MPZL1: variants seen among roughly 807,000 people sequenced by gnomAD.
MPZL1 encodes the protein myelin protein zero-like protein 1.
A neutral mutation model predicts 29.3 loss-of-function variants in MPZL1; 16 were observed. The observed-to-expected ratio is 0.55, with a 90% confidence interval of 0.37 to 0.83. MPZL1 has a LOEUF of 0.83. Among genes scored for constraint, MPZL1 ranks in the 40% least tolerant of loss-of-function variants. The pLI, the probability that MPZL1 is intolerant of heterozygous loss-of-function variation, is 0.00. For missense variants in MPZL1, 279 were observed against 332.9 expected, an observed-to-expected ratio of 0.84 and a Z score of 1.26; for synonymous variants, 143 against 132.0, an observed-to-expected ratio of 1.08 and a Z score of -0.57.
intron 2 of MPZL1, among the ~76,000 whole-genome samples, chr1:167,769,572 G>C (rs918217952): frequency 6.6e-6 from 1 of 152,096 alleles, no homozygotes; most frequent in African/African-American, 2.4e-5. Flanking sequence ...CTTCTTCATG[G>C]GAGTGAAGAT....
intron 2 of MPZL1, among the ~76,000 whole-genome samples, chr1:167,767,895 T>C (rs1336887003): frequency 6.7e-6 from 1 of 149,936 alleles, no homozygotes; most frequent in African/African-American, 2.5e-5. Context: ...TTTTGTTTTG[T>C]GTTTTCTGTC....
intron 1 of MPZL1, among the ~76,000 whole-genome samples, chr1:167,727,479 G>C (rs1482696817): frequency 6.6e-6 from 1 of 152,140 alleles, no homozygotes; most frequent in African/African-American, 2.4e-5. Context: ...AGAGTAAAAT[G>C]GTAAGCTTTG....
chr1:167,741,226 T>G (rs190917364), intron 1 of MPZL1, among the ~76,000 whole-genome samples: 1 of 145,678 alleles, frequency 6.9e-6, no homozygotes, highest in African/African-American at 2.6e-5. Flanking sequence ...TTCGCTATGT[T>G]GTCCAGGCTG....
At chr1:167,775,424 T>C (rs1661344783) in intron 4 of MPZL1, among the ~76,000 whole-genome samples, 1 of 152,236 alleles carries the variant, frequency 6.6e-6, no homozygotes, top group Non-Finnish European at 1.5e-5. Flanking sequence ...GATTCATTTA[T>C]GAGATAGTGC....
At chr1:167,771,389 C>T (rs1056039625) in intron 2 of MPZL1, among the ~76,000 whole-genome samples, 3 of 152,192 alleles carry the variant, frequency 2.0e-5, no homozygotes, top group Non-Finnish European at 2.9e-5. Context: ...CCTATGTCTA[C>T]TTCTTTCTAC....
Position 167,790,449 on chromosome 1 carries a change from T to G in MPZL1, c.*2528T>G, listed in dbSNP as rs1396381499. ...GACAGGTTTCCCTGAAGGAAGCTGC[T>G]CACACTGAGATGAGCCTCTCAGGGC... On this transcript the variant is annotated 3_prime_UTR_variant, in exon 6 of 6. Transcript: ENST00000359523. The G allele has an allele frequency of 6.6e-6, 1 of 152,332 alleles. No homozygotes were observed. The highest frequency in any genetic ancestry group is 1.5e-5 in the Non-Finnish European group (1 of 68,136). 9.4% of individuals were successfully genotyped at this position (152,332 alleles called of 1,614,324 possible).
chr1:167,743,311 A>T (rs1660573401), intron 1 of MPZL1, among the ~76,000 whole-genome samples: 2 of 151,916 alleles, frequency 1.3e-5, no homozygotes, highest in African/African-American at 4.8e-5. Flanking sequence ...CCTGGGTTCA[A>T]GCAATTCTCC....
In MPZL1 at chr1:167,775,979, C is replaced by T. The variant is rs1013589901; in HGVS notation, c.606-85C>T. The T allele has an allele frequency of 1.3e-5, 11 of 831,616 alleles. No homozygotes were observed. In the South Asian group the frequency reaches 1.6e-4, roughly 12 times the overall value. 51.5% of individuals were successfully genotyped at this position (831,616 alleles called of 1,614,324 possible). On this transcript the variant is annotated intron_variant, in intron 4 of 5. Coordinates refer to ENST00000359523, the MANE Select transcript of MPZL1 (RefSeq NM_003953.6). ...TTATATATCTGTTGCTTCATCTTGC[C>T]GTCAGTTGCATTTCTATATTTTTGT...
intron 1 of MPZL1, among the ~76,000 whole-genome samples, chr1:167,739,342 G>A (rs80188620): frequency 0.15 from 19,122 of 127,138 alleles, 1,775 homozygotes; most frequent in East Asian, 0.18. Context: ...TTCTTTCTTG[G>A]CGTTCCTGCT....
intron 1 of MPZL1, among the ~76,000 whole-genome samples, chr1:167,760,582 A>G (rs1660965205): frequency 6.6e-6 from 1 of 152,168 alleles, no homozygotes; most frequent in African/African-American, 2.4e-5. Context: ...GAGGAGTCAC[A>G]AAACAGTCCA....
Position 167,760,747 on chromosome 1 carries a change from C to CTGTGTGTGTG in MPZL1, c.92-4798_92-4789dup, listed in dbSNP as rs58963124. Reference sequence around the variant, plus strand: ...TTACATCCAAGCAAAGTTGAATAGGCTGTGTGTGTGTGTGTGTGTGTGTGT... The same window carrying CTGTGTGTGTG: ...TTACATCCAAGCAAAGTTGAATAGGCTGTGTGTGTGTGTGTGTGTGTGTGTGTGTGTGTGT... On this transcript the variant is annotated intron_variant, in intron 1 of 5. Coordinates refer to ENST00000359523, the MANE Select transcript of MPZL1 (RefSeq NM_003953.6). 8.7e-4 allele frequency among the ~76,000 whole-genome samples: 104 copies of CTGTGTGTGTG among 120,190 alleles called. 1 individual carries two copies. Among genetic ancestry groups the CTGTGTGTGTG allele is most frequent in the East Asian group, 2.0e-3 (8 of 4,006 alleles). 78.8% of individuals were successfully genotyped at this position (120,190 alleles called of 152,430 possible).
Position 167,722,010 on chromosome 1 carries a change from G to A in MPZL1, c.-142G>A, listed in dbSNP as rs561696059. On this transcript the variant is annotated 5_prime_UTR_variant, in exon 1 of 6. Transcript: ENST00000359523. ...GAGCTGGAGAGCCGCGGCTGGGACC[G>A]GAGTGGGGAGCGCGGCGTGGAGGTG... 3 of 1,164,664 alleles carry A rather than the reference G, an allele frequency of 2.6e-6. No individual in the cohort carries two copies. The highest frequency in any genetic ancestry group is 8.5e-5 in the Admixed American group (2 of 23,502). 72.1% of individuals were successfully genotyped at this position (1,164,664 alleles called of 1,614,324 possible).
intron 1 of MPZL1, among the ~76,000 whole-genome samples, chr1:167,751,670 C>CAAAAAAAA (rs397970508): frequency 1.4e-5 from 1 of 72,166 alleles, no homozygotes. Context: ...GACTCCATCT[C>CAAAAAAAA]AAAAAAAAAA....
chr1:167,750,173 TCTTTTCTTTTCTTTTTC>T (rs1237045298), intron 1 of MPZL1, among the ~76,000 whole-genome samples: 3 of 152,140 alleles, frequency 2.0e-5, no homozygotes, highest in East Asian at 1.9e-4. Flanking sequence ...CCCAGGTTTT[TCTTTTCTTTTCTTTTTC>T]CTTTTCTTTT....
At chr1:167,781,941 A>G (rs1252299237) in intron 5 of MPZL1, among the ~76,000 whole-genome samples, 1 of 152,006 alleles carries the variant, frequency 6.6e-6, no homozygotes, top group Non-Finnish European at 1.5e-5. Context: ...TCTAGTCACA[A>G]TCTCTTTGAA....
chr1:167,782,955 A>G (rs181136617), intron 5 of MPZL1, among the ~76,000 whole-genome samples: 16 of 152,348 alleles, frequency 1.1e-4, no homozygotes, highest in Non-Finnish European at 2.1e-4. Flanking sequence ...ACAGTGAAAC[A>G]CATTTCAGAC....
intron 1 of MPZL1, among the ~76,000 whole-genome samples, chr1:167,763,946 A>G (rs558873993): frequency 2.0e-5 from 3 of 152,342 alleles, no homozygotes; most frequent in Admixed American, 1.3e-4. Context: ...AAACATTTGC[A>G]AGATGGTTGG....
chr1:167,738,701 G>A (rs895531938), intron 1 of MPZL1, among the ~76,000 whole-genome samples: 6 of 140,210 alleles, frequency 4.3e-5, no homozygotes, highest in African/African-American at 1.9e-4. Flanking sequence ...TTAAAAGTAT[G>A]TAGCACATCC....
At chr1:167,746,184 G>A (rs1446625743) in intron 1 of MPZL1, among the ~76,000 whole-genome samples, 1 of 152,072 alleles carries the variant, frequency 6.6e-6, no homozygotes, top group Non-Finnish European at 1.5e-5. Flanking sequence ...TTGGCCCAAC[G>A]GGAGTGGGTT....
Sources: allele counts gnomAD v4.1 joint callset (sites outside exome capture counted in the v4.1 genomes callset), GRCh38; gene constraint gnomAD v4.1.1; transcripts MANE v1.5; gene names NCBI Gene and HGNC (gene_info 2026-07-23, HGNC 2026-07-21).